The following DNAH12 variants were observed in gnomAD, a reference collection of about 807,000 sequenced individuals.
DNAH12 encodes dynein axonemal heavy chain 12, also known as axonemal beta dynein heavy chain 12.
In DNAH12, 285 loss-of-function variants were observed where a neutral mutation model predicts 371.5. The observed-to-expected ratio is 0.77, with a 90% CI of 0.70 to 0.85. The LOEUF is 0.85. DNAH12 is among the 40% of genes least tolerant of loss of function. The pLI, the probability that DNAH12 is intolerant of heterozygous loss-of-function variation, is 0.00. For synonymous variants in DNAH12, 1,200 were observed against 1,213.0 expected, an observed-to-expected ratio of 0.99 and a Z score of 0.22; for missense variants, 3,611 against 3,689.4, an observed-to-expected ratio of 0.98 and a Z score of 0.55.
intron 69 of DNAH12, among the ~76,000 whole-genome samples, chr3:57,304,133 G>A (rs1026691691): frequency 2.1e-5 from 3 of 140,590 alleles, no homozygotes; most frequent in Non-Finnish European, 3.0e-5. Context: ...CTTATAAAAC[G>A]GCCCCACCCC....
chr3:57,466,592 G>A (rs898203582), intron 17 of DNAH12, among the ~76,000 whole-genome samples: 18 of 152,102 alleles, frequency 1.2e-4, no homozygotes, highest in African/African-American at 4.1e-4. Flanking sequence ...TGAGAGGACC[G>A]AGGCACAAGT....
At chr3:57,448,243 G>A (rs2065595038) in intron 25 of DNAH12, among the ~76,000 whole-genome samples, 1 of 152,198 alleles carries the variant, frequency 6.6e-6, no homozygotes, top group African/African-American at 2.4e-5. Flanking sequence ...CGGATGTGTT[G>A]GGAGTTTCTT....
chr3:57,461,624 T>C lies in DNAH12; in HGVS notation c.2601A>G (p.Ile867Met), dbSNP rs1439867818. ...IGTWEDIAFHISLYRDTGVCI... is the reference protein window; with the variant it reads ...IGTWEDIAFHMSLYRDTGVCI... ...AGACTCCAGTGTCACGATACAGACTTATATGAAAAGCAATATCTTCCCAAG... is the reference window on the plus strand; with the variant it reads ...AGACTCCAGTGTCACGATACAGACTCATATGAAAAGCAATATCTTCCCAAG... Residue 867 changes from isoleucine (I) to methionine (M), a missense_variant, in exon 19 of 74, where the codon ATA becomes ATG. Transcript: ENST00000495027. 1 of 1,551,296 alleles carries C rather than the reference T, an allele frequency of 6.4e-7. No individual in the cohort carries two copies. Among genetic ancestry groups the C allele is most frequent in the Non-Finnish European group, 8.7e-7 (1 of 1,146,838 alleles).
At chr3:57,294,690 C>T (rs1441008934) in intron 73 of DNAH12, among the ~76,000 whole-genome samples, 1 of 152,120 alleles carries the variant, frequency 6.6e-6, no homozygotes, top group Non-Finnish European at 1.5e-5. Flanking sequence ...GAAACCCACA[C>T]ATTAGAAGAA....
At chr3:57,460,963 A>T (rs1333386117) in intron 19 of DNAH12, among the ~76,000 whole-genome samples, 2 of 152,188 alleles carry the variant, frequency 1.3e-5, no homozygotes, top group Non-Finnish European at 2.9e-5. Context: ...CAGGGTAAAA[A>T]ATCCAGTTGT....
At chr3:57,523,700 TA>T in intron 3 of DNAH12, 91 bp from the exon 4 acceptor site, 1 of 1,270,592 alleles carries the variant, frequency 7.9e-7, no homozygotes, top group East Asian at 2.8e-5. Context: ...AGTTTAAATA[TA>T]TCTATTATTC....
intron 27 of DNAH12, among the ~76,000 whole-genome samples, 173 bp from the exon 28 acceptor site, chr3:57,445,592 T>A (rs1251806734): frequency 6.6e-6 from 1 of 152,216 alleles, no homozygotes; most frequent in Non-Finnish European, 1.5e-5. Flanking sequence ...AGTTAGTATT[T>A]TTTTGGATGT....
At chr3:57,307,714 G>T (rs2061500651) in intron 69 of DNAH12, among the ~76,000 whole-genome samples, 1 of 152,030 alleles carries the variant, frequency 6.6e-6, no homozygotes, top group South Asian at 2.1e-4. Context: ...CATTGTTCCT[G>T]GCAGGGACTA....
upstream of DNAH12, among the ~76,000 whole-genome samples, chr3:57,546,932 G>A (rs1043864667): frequency 1.3e-5 from 2 of 152,072 alleles, no homozygotes; most frequent in Non-Finnish European, 2.9e-5. Context: ...CAGACTTCTT[G>A]AGGGAGTTTG....
At chr3:57,489,482 C>A in intron 12 of DNAH12, 27 bp downstream of exon 12, 1 of 1,479,406 alleles carries the variant, frequency 6.8e-7, no homozygotes, top group South Asian at 1.4e-5. Flanking sequence ...CCATATAATT[C>A]TGAGCTTGGG....
At chr3:57,305,206 T>TA (rs747128842) in intron 69 of DNAH12, among the ~76,000 whole-genome samples, 11 of 152,046 alleles carry the variant, frequency 7.2e-5, no homozygotes, top group Non-Finnish European at 1.5e-4. Context: ...GTTCCCTCCC[T>TA]AGTCTCTGTT....
Position 57,479,870 on chromosome 3 carries a change from A to C in DNAH12, c.1650+3506T>G, listed in dbSNP as rs182821487. 4.3e-3 allele frequency among the ~76,000 whole-genome samples: 661 copies of C among 152,350 alleles called. 7 individuals are homozygous for C. Among genetic ancestry groups the C allele is most frequent in the African/African-American group, 0.015 (640 of 41,580 alleles). On this transcript the variant is annotated intron_variant, in intron 13 of 73. Transcript: ENST00000495027. ...AGAAATAAAGATGTTCTTTGAAACCAACGAGAACAAAGACACAACATACCA... is the reference window on the plus strand; with the variant it reads ...AGAAATAAAGATGTTCTTTGAAACCCACGAGAACAAAGACACAACATACCA...
intron 35 of DNAH12, among the ~76,000 whole-genome samples, chr3:57,423,845 T>C (rs2064671568): frequency 6.6e-6 from 1 of 151,950 alleles, no homozygotes; most frequent in Admixed American, 6.5e-5. Flanking sequence ...ATGGAGCAAT[T>C]CTCCTGCCTC....
intron 70 of DNAH12, among the ~76,000 whole-genome samples, chr3:57,301,265 C>CAAA (rs71088054): frequency 7.0e-5 from 3 of 43,044 alleles, no homozygotes; most frequent in South Asian, 1.1e-3. Flanking sequence ...GACCCTGTCT[C>CAAA]AAAAAAAAAA....
At chr3:57,485,078 T>C (rs2066878610) in intron 12 of DNAH12, among the ~76,000 whole-genome samples, 1 of 152,212 alleles carries the variant, frequency 6.6e-6, no homozygotes, top group Non-Finnish European at 1.5e-5. Context: ...CTTAAACTGC[T>C]TGTGAGAATG....
chr3:57,495,621 TTA>T (rs1376717569), intron 11 of DNAH12, among the ~76,000 whole-genome samples: 1 of 146,556 alleles, frequency 6.8e-6, no homozygotes, highest in Non-Finnish European at 1.5e-5. Flanking sequence ...TTTGTATATA[TTA>T]TATATATTTT....
Position 57,483,419 on chromosome 3 carries a change from T to C in DNAH12, c.1607A>G (p.Lys536Arg), listed in dbSNP as rs567040778. The C allele has an allele frequency of 1.3e-6, 2 of 1,551,264 alleles. No homozygotes were observed. Among genetic ancestry groups the C allele is most frequent in the African/African-American group, 2.7e-5 (2 of 73,120 alleles). The change falls in exon 13 of 74, where the codon AAA becomes AGA. Residue 536 changes from lysine (K) to arginine (R), a missense_variant. Around this residue, in one of 3 missense-constraint regions of DNAH12, gnomAD observed 1,314 missense variants for 1,398.7 expected, o/e 0.94. Coordinates refer to ENST00000495027, the MANE Select transcript of DNAH12 (RefSeq NM_001366028.2). ...EMMDLISYVEKARTVGIEELI... is the reference protein window; with the variant it reads ...EMMDLISYVERARTVGIEELI... ...CTCTTCGATTCCTACAGTCCGGGCT[T>C]TTTCTACATAAGATATCAGATCCAT... is the stretch of plus-strand genomic sequence containing the variant.
At chr3:57,307,662 C>T (rs2061499647) in intron 69 of DNAH12, among the ~76,000 whole-genome samples, 1 of 152,200 alleles carries the variant, frequency 6.6e-6, no homozygotes, top group African/African-American at 2.4e-5. Flanking sequence ...CTCCCTGGCT[C>T]CTTCAGCTGT....
chr3:57,500,431 C>T (rs536884279), intron 11 of DNAH12, among the ~76,000 whole-genome samples: 2 of 152,206 alleles, frequency 1.3e-5, no homozygotes, highest in Non-Finnish European at 2.9e-5. Flanking sequence ...AGCAAAGATA[C>T]TCCAGGATTT....
Sources: gnomAD v4.1 joint callset for allele counts (sites outside exome capture counted in the v4.1 genomes callset) on GRCh38, gnomAD v4.1.1 for gene constraint, gnomAD v4.1.1 regional missense constraint, MANE v1.5 for transcripts, NCBI Gene and HGNC (gene_info 2026-07-23, HGNC 2026-07-21) for gene names.